KCNQ1: variants seen among roughly 807,000 people sequenced by gnomAD.
The protein encoded by KCNQ1 is potassium voltage-gated channel subfamily KQT member 1.
KCNQ1 carries 49 observed loss-of-function variants against 72.4 expected under a neutral mutation model. The ratio of observed to expected loss-of-function variants is 0.68; its 90% CI spans 0.54 to 0.86. The LOEUF (loss-of-function observed/expected upper bound fraction) is 0.86. Among genes scored for constraint, KCNQ1 ranks in the 40% least tolerant of loss-of-function variants. The probability of loss-of-function intolerance (pLI) is 0.00; values close to 1 mark genes in which losing one functional copy is unlikely to be tolerated. For synonymous variants in KCNQ1, 450 were observed against 412.6 expected, an observed-to-expected ratio of 1.09 and a Z score of -1.10; for missense variants, 790 against 945.1, an observed-to-expected ratio of 0.84 and a Z score of 2.15.
rs150371794 is a variant in KCNQ1, at chr11:2,642,418, A to T, written c.1394-19543A>T. Reference sequence around the variant, plus strand: ...CTTTCTCAGCTGGTTCTTTATTGGTATATAGAAATAAGCCTGATTTTTAAA... The same window carrying T: ...CTTTCTCAGCTGGTTCTTTATTGGTTTATAGAAATAAGCCTGATTTTTAAA... On this transcript the variant is annotated intron_variant, in intron 10 of 15. Transcript: ENST00000155840. This position sits in a 1 kb window ranked among gnomAD's most constrained non-coding sequence, Gnocchi z 4.3. 4.0e-5 allele frequency: 16 copies of T among 397,988 alleles called. No homozygotes were observed. In the East Asian group the frequency reaches 5.4e-4, roughly 13 times the overall value. The allele number at this position is 397,988 out of a possible 1,614,324, so 24.7% of individuals were successfully genotyped here. A position where few individuals can be genotyped will look rare whatever the true frequency, so the allele number is the denominator to read the frequency against.
chr11:2,533,103 T>G (rs1847668844), intron 2 of KCNQ1, among the ~76,000 whole-genome samples: 1 of 152,132 alleles, frequency 6.6e-6, no homozygotes, highest in Admixed American at 6.5e-5. Context: ...GAGAGCACGA[T>G]GTTTAAATGT....
chr11:2,556,163 C>T (rs4930122), intron 2 of KCNQ1, among the ~76,000 whole-genome samples: 70,582 of 152,036 alleles, frequency 0.46, 17,016 homozygotes, highest in South Asian at 0.62. Context: ...CTCCATACAG[C>T]GCCCCCCGGC....
At chr11:2,810,317 T>C (rs767495788) in intron 15 of KCNQ1, among the ~76,000 whole-genome samples, 33 of 152,228 alleles carry the variant, frequency 2.2e-4, no homozygotes, top group Non-Finnish European at 4.4e-4. Context: ...ACTTTAGTCC[T>C]TGAGCTCTGG....
intron 10 of KCNQ1, among the ~76,000 whole-genome samples, chr11:2,607,463 G>T (rs1370562605): frequency 1.3e-5 from 2 of 152,152 alleles, no homozygotes; most frequent in African/African-American, 4.8e-5. Context: ...CATGAGGGTG[G>T]AGACCTCATG....
chr11:2,456,512 CAG>C (rs1410110051), intron 1 of KCNQ1, among the ~76,000 whole-genome samples: 3 of 152,062 alleles, frequency 2.0e-5, no homozygotes, highest in Non-Finnish European at 4.4e-5. Flanking sequence ...AGGGAATAAA[CAG>C]ATAACCTACA....
rs1221068310 is a variant in KCNQ1, at chr11:2,668,715, C to T, written c.1514+6634C>T. Reference sequence around the variant, plus strand: ...ACACACTCACACTCTCTCACAGACACACACATTGCAAATATCGCCTCCCCC... The same window carrying T: ...ACACACTCACACTCTCTCACAGACATACACATTGCAAATATCGCCTCCCCC... On this transcript the variant is annotated intron_variant, in intron 11 of 15. Transcript: ENST00000155840. This position sits in a 1 kb window ranked among gnomAD's most constrained non-coding sequence, Gnocchi z 4.3. The T allele has an allele frequency of 1.3e-5, 5 of 398,522 alleles. No homozygotes were observed. Among genetic ancestry groups the T allele is most frequent in the Non-Finnish European group, 2.2e-5 (5 of 226,080 alleles). 24.7% of individuals were successfully genotyped at this position (398,522 alleles called of 1,614,324 possible). A position where few individuals can be genotyped will look rare whatever the true frequency, so the allele number is the denominator to read the frequency against.
intron 11 of KCNQ1, chr11:2,688,177 C>G (rs1850524215): frequency 7.5e-6 from 3 of 398,626 alleles, no homozygotes; most frequent in Non-Finnish European, 1.3e-5. Flanking sequence ...GCAGACAGCT[C>G]CCAAGCAAGG....
At position 2,826,714 on chromosome 11, in the gene KCNQ1, G is replaced by A. The variant is rs547811870; in HGVS notation, c.1795-21053G>A. ...CCAGAGAGGCACGGGGCTCCCCTGG[G>A]CACCCCTCGTCTTGGGGCCCCTGCC... On this transcript the variant is annotated intron_variant, in intron 15 of 15. Coordinates refer to ENST00000155840, the MANE Select transcript of KCNQ1 (RefSeq NM_000218.3). The surrounding 1 kb of genome is among the most constrained non-coding windows in gnomAD (Gnocchi z 4.2). 6.6e-6 allele frequency among the ~76,000 whole-genome samples: 1 copy of A among 152,224 alleles called. No homozygotes were observed. Among genetic ancestry groups the A allele is most frequent in the Non-Finnish European group, 1.5e-5 (1 of 68,026 alleles).
intron 6 of KCNQ1, among the ~76,000 whole-genome samples, chr11:2,580,034 G>C (rs1312365923): frequency 6.6e-6 from 1 of 152,204 alleles, no homozygotes; most frequent in East Asian, 1.9e-4. Flanking sequence ...CATTTAAAAA[G>C]TAATGCTTTT....
At position 2,767,886 on chromosome 11, in the gene KCNQ1, C is replaced by T. The variant is rs1200032402; in HGVS notation, c.1515-958C>T. ...GACCAGAATCTTTTTCCCTCGTGTC[C>T]TGGCTGTCCTGTGGCCCTGGACTCC... On this transcript the variant is annotated intron_variant, in intron 11 of 15. Transcript: ENST00000155840. This position sits in a 1 kb window ranked among gnomAD's most constrained non-coding sequence, Gnocchi z 4.6. Among the ~76,000 whole-genome samples the T allele has an allele frequency of 2.0e-5, 3 of 152,222 alleles. No individual in the cohort carries two copies. The highest frequency in any genetic ancestry group is 4.4e-5 in the Non-Finnish European group (3 of 68,042).
chr11:2,681,628 C>T (rs747514966), intron 11 of KCNQ1: 7 of 395,452 alleles, frequency 1.8e-5, no homozygotes, highest in Non-Finnish European at 3.1e-5. Flanking sequence ...CACCCAACCT[C>T]CCCCAACCTA....
chr11:2,733,812 A>ACTCTCT (rs1564875290), intron 11 of KCNQ1, among the ~76,000 whole-genome samples: 1 of 87,726 alleles, frequency 1.1e-5, no homozygotes, highest in Non-Finnish European at 2.3e-5. Flanking sequence ...ACACACACAC[A>ACTCTCT]CACTCTCTCA....
At position 2,813,191 on chromosome 11, in the gene KCNQ1, C is replaced by A. The variant is rs1847528461; in HGVS notation, c.1795-34576C>A. ...TTGGCACCATGAGTCACCTGTCAAA[C>A]TGAGGGGCTGGCAGAGCTGGAGGGA... On this transcript the variant is annotated intron_variant, in intron 15 of 15. Transcript: ENST00000155840. The surrounding 1 kb of genome is among the most constrained non-coding windows in gnomAD (Gnocchi z 4.4). 6.6e-6 allele frequency among the ~76,000 whole-genome samples: 1 copy of A among 152,194 alleles called. No individual in the cohort carries two copies. The highest frequency in any genetic ancestry group is 1.5e-5 in the Non-Finnish European group (1 of 68,038).
Position 2,581,000 on chromosome 11 carries a change from C to G in KCNQ1, c.922-2435C>G, listed in dbSNP as rs374475409. Among the ~76,000 whole-genome samples the G allele has an allele frequency of 4.6e-5, 7 of 152,210 alleles. No individual in the cohort carries two copies. The East Asian group carries it at 5.8e-4, about 13-fold the overall frequency. On this transcript the variant is annotated intron_variant, in intron 6 of 15. Coordinates refer to ENST00000155840, the MANE Select transcript of KCNQ1 (RefSeq NM_000218.3). ...GGCAGGGGCTGCGCCAGCCCAGGCA[C>G]AGGTCTGAGGGATGAATAGGAGGTT...
intron 1 of KCNQ1, among the ~76,000 whole-genome samples, chr11:2,523,832 C>T (rs1263086179): frequency 7.0e-6 from 1 of 143,866 alleles, no homozygotes; most frequent in Non-Finnish European, 1.5e-5. Flanking sequence ...CTGGGTCCTG[C>T]CCATGGCCCC....
In KCNQ1 at chr11:2,526,843, G is replaced by A. The variant is rs1298263451; in HGVS notation, c.387-1085G>A. Among the ~76,000 whole-genome samples, 9 of 152,204 alleles carry A rather than the reference G, an allele frequency of 5.9e-5. No individual in the cohort carries two copies. Among genetic ancestry groups the A allele is most frequent in the South Asian group, 4.1e-4 (2 of 4,826 alleles). ...GATCTCAGGGAGCGGAGGGAGCCTGGGGCACCCTATGCCAGGCAGAGGATC... is the reference window on the plus strand; with the variant it reads ...GATCTCAGGGAGCGGAGGGAGCCTGAGGCACCCTATGCCAGGCAGAGGATC... On this transcript the variant is annotated intron_variant, in intron 1 of 15. Coordinates refer to ENST00000155840, the MANE Select transcript of KCNQ1 (RefSeq NM_000218.3). This position sits in a 1 kb window ranked among gnomAD's most constrained non-coding sequence, Gnocchi z 6.1.
chr11:2,844,601 G>C (rs959229606), intron 15 of KCNQ1, among the ~76,000 whole-genome samples: 2 of 152,212 alleles, frequency 1.3e-5, no homozygotes, highest in African/African-American at 4.8e-5. Context: ...GGGACTCCCT[G>C]CCGGGAGGAG....
chr11:2,699,558 G>A (rs1329370637), intron 11 of KCNQ1: 2 of 326,906 alleles, frequency 6.1e-6, no homozygotes, highest in East Asian at 5.0e-5. Context: ...CCGCGCGGAG[G>A]AGAACCATGC....
intron 15 of KCNQ1, among the ~76,000 whole-genome samples, chr11:2,798,831 C>T (rs1389792069): frequency 6.6e-6 from 1 of 152,148 alleles, no homozygotes; most frequent in Non-Finnish European, 1.5e-5. Context: ...GAACTCTCGC[C>T]TCTGTGGCTC....
Sources: gnomAD v4.1 joint callset for allele counts (sites outside exome capture counted in the v4.1 genomes callset) on GRCh38, gnomAD v4.1.1 for gene constraint, Gnocchi (gnomAD v3.1) non-coding constraint, MANE v1.5 for transcripts, NCBI Gene and HGNC (gene_info 2026-07-23, HGNC 2026-07-21) for gene names.